BEND7: variants seen among roughly 807,000 people sequenced by gnomAD.
BEND7 encodes BEN domain containing 7.
Under a neutral mutation model 50.9 loss-of-function variants are expected in BEND7, and 28 were observed. The observed-to-expected ratio is 0.55, with a 90% CI of 0.41 to 0.75. BEND7 has a LOEUF of 0.75. Ranked by LOEUF, BEND7 falls within the 30% of genes least tolerant of loss-of-function variation. The pLI is 0.00. For synonymous variants in BEND7, 170 were observed against 183.9 expected (o/e 0.92, Z 0.61); for missense variants, 477 against 491.3 (o/e 0.97, Z 0.28).
At chr10:13,460,020 T>A (rs749281679) in intron 6 of BEND7, 2 of 152,182 alleles carry the variant, frequency 1.3e-5, no homozygotes, top group Non-Finnish European at 2.9e-5. Context: ...AAGCCGCAGA[T>A]GTGTCGAGTG....
chr10:13,475,109 C>T lies in BEND7; in HGVS notation c.1063+5790G>A, dbSNP rs140337991. On this transcript the variant is annotated intron_variant, in intron 6 of 8. Coordinates refer to ENST00000466271, the MANE Select transcript of BEND7 (RefSeq NM_001369863.1). ...TAGAGAGCTACACACAGAGAACAGCCGAGATTCAACATGACCTCTTTGTCA... is the reference window on the plus strand; with the variant it reads ...TAGAGAGCTACACACAGAGAACAGCTGAGATTCAACATGACCTCTTTGTCA... Among the ~76,000 whole-genome samples, 278 of 152,202 alleles carry T rather than the reference C, an allele frequency of 1.8e-3. 2 individuals are homozygous for T. The highest frequency in any genetic ancestry group is 6.3e-3 in the African/African-American group (260 of 41,504).
intron 6 of BEND7, among the ~76,000 whole-genome samples, chr10:13,454,582 T>TA (rs1416894721): frequency 6.6e-6 from 1 of 152,146 alleles, no homozygotes; most frequent in East Asian, 1.9e-4. Flanking sequence ...ATTACACCAT[T>TA]ACACTCCAGC....
chr10:13,480,002 A>G (rs2075742386), intron 6 of BEND7, among the ~76,000 whole-genome samples: 1 of 152,168 alleles, frequency 6.6e-6, no homozygotes, highest in East Asian at 1.9e-4. Context: ...TCACAACTCA[A>G]CAATGCAGGA....
chr10:13,508,962 G>A (rs1031008040), intron 2 of BEND7, among the ~76,000 whole-genome samples: 7 of 152,354 alleles, frequency 4.6e-5, no homozygotes, highest in East Asian at 1.9e-4. Context: ...AGCCAGGACA[G>A]GTACCAAGAA....
chr10:13,439,200 G>C (rs749440622), downstream of BEND7: 5 of 1,613,766 alleles, frequency 3.1e-6, no homozygotes, highest in Non-Finnish European at 8.5e-7. Context: ...GATGTGAAGG[G>C]TAAGAGACTT....
In BEND7 at chr10:13,492,598, A is replaced by G; in HGVS notation, c.837+13T>C. 6.2e-7 allele frequency: 1 copy of G among 1,612,936 alleles called. No homozygotes were observed. The highest frequency in any genetic ancestry group is 1.3e-5 in the African/African-American group (1 of 74,956). ...ATAGCATTAGAGTCAGCAGCCAGAA[A>G]ATGGCAACTTACATCTGAGGAAGGT... On this transcript the variant is annotated intron_variant, in intron 5 of 8. Coordinates refer to ENST00000466271, the MANE Select transcript of BEND7 (RefSeq NM_001369863.1).
At chr10:13,467,730 T>C (rs2074392434) in intron 6 of BEND7, among the ~76,000 whole-genome samples, 1 of 152,228 alleles carries the variant, frequency 6.6e-6, no homozygotes, top group Non-Finnish European at 1.5e-5. Context: ...GTAGTTATCT[T>C]GTTATTCATG....
In BEND7 at chr10:13,441,688, G is replaced by C. The variant is rs76490942; in HGVS notation, c.*55C>G. The C allele has an allele frequency of 9.9e-6, 16 of 1,611,828 alleles. No homozygotes were observed. The East Asian group carries it at 3.6e-4, about 36-fold the overall frequency. ...TAGCTCCTTGTGGGAGGCAGAGGACGGATTTTAAAACCCATGGTGCAAAAA... is the reference window on the plus strand; with the variant it reads ...TAGCTCCTTGTGGGAGGCAGAGGACCGATTTTAAAACCCATGGTGCAAAAA... On this transcript the variant is annotated 3_prime_UTR_variant, in exon 9 of 9. Transcript: ENST00000466271.
At chr10:13,486,236 C>G (rs7921291) in intron 5 of BEND7, among the ~76,000 whole-genome samples, 26,299 of 152,208 alleles carry the variant, frequency 0.17, 2,670 homozygotes, top group Non-Finnish European at 0.24. Context: ...CGCTTTGTTG[C>G]CCAGACTGGT....
intron 6 of BEND7, among the ~76,000 whole-genome samples, chr10:13,467,913 G>A (rs2074416128): frequency 6.6e-6 from 1 of 152,094 alleles, no homozygotes; most frequent in African/African-American, 2.4e-5. Flanking sequence ...GAGTGGTGCT[G>A]TTTCATGGGA....
At chr10:13,463,802 G>A (rs2073958387) in intron 6 of BEND7, among the ~76,000 whole-genome samples, 1 of 152,134 alleles carries the variant, frequency 6.6e-6, no homozygotes, top group East Asian at 1.9e-4. Flanking sequence ...GAAAATAAGG[G>A]GTGATACTTG....
At chr10:13,513,734 C>T (rs887648669) in intron 2 of BEND7, among the ~76,000 whole-genome samples, 5 of 152,302 alleles carry the variant, frequency 3.3e-5, no homozygotes, top group Admixed American at 2.6e-4. Context: ...AAATGCAAAT[C>T]GAATTACACT....
rs78975215 is a variant in BEND7, at chr10:13,521,439, T to C, written c.145+4699A>G. 5.1e-3 allele frequency among the ~76,000 whole-genome samples: 777 copies of C among 152,302 alleles called. 14 individuals are homozygous for C. The South Asian group carries it at 0.073, about 14-fold the overall frequency. On this transcript the variant is annotated intron_variant, in intron 2 of 8. Transcript: ENST00000466271. ...AGCAAGCTCTGGGTAAATAACACTA[T>C]TACTGGCCACGTACCTAACCCCAAG...
intron 6 of BEND7, among the ~76,000 whole-genome samples, chr10:13,472,690 T>C (rs533479315): frequency 1.1e-4 from 17 of 152,034 alleles, no homozygotes; most frequent in African/African-American, 3.9e-4. Flanking sequence ...TCGATACCCA[T>C]CATCGCTCTT....
In BEND7 at chr10:13,528,584, A is replaced by AGCGGCGGCG. The variant is rs1475871967; in HGVS notation, c.-52_-51insCGCCGCCGC. ...CTGAGGAGGCGGCGGCAGCGGCGGC[A>AGCGGCGGCG]GCGGCAGCGGCGGCAGCGGCAGCGG... On this transcript the variant is annotated 5_prime_UTR_variant, in exon 1 of 9. Coordinates refer to ENST00000466271, the MANE Select transcript of BEND7 (RefSeq NM_001369863.1). 1.2e-4 allele frequency: 3 copies of AGCGGCGGCG among 25,460 alleles called. No homozygotes were observed. Among genetic ancestry groups the AGCGGCGGCG allele is most frequent in the South Asian group, 4.5e-3 (1 of 224 alleles). The allele number at this position is 25,460 out of a possible 1,614,324, so 1.6% of individuals were successfully genotyped here.
chr10:13,440,464 C>T (rs1039902089), downstream of BEND7, among the ~76,000 whole-genome samples: 4 of 152,186 alleles, frequency 2.6e-5, no homozygotes, highest in Non-Finnish European at 4.4e-5. Context: ...GGCAGCAGCT[C>T]CTGCCCCTAC....
chr10:13,460,206 G>A (rs75238941), intron 6 of BEND7: 3,534 of 153,538 alleles, frequency 0.023, 138 homozygotes, highest in African/African-American at 0.081. Context: ...CGGCAGGGAG[G>A]AGAGGATGAA....
chr10:13,496,945 A>G (rs2077064666), intron 3 of BEND7, 57 bp from the exon 4 acceptor site: 2 of 1,363,130 alleles, frequency 1.5e-6, no homozygotes, highest in African/African-American at 1.5e-5. Context: ...AAAAAAAAAA[A>G]TCATAAAGAG....
intron 6 of BEND7, among the ~76,000 whole-genome samples, chr10:13,465,481 A>G (rs2074142670): frequency 6.6e-6 from 1 of 152,124 alleles, no homozygotes; most frequent in Non-Finnish European, 1.5e-5. Context: ...GGACCATCTC[A>G]TCTTCGTGCT....
Sources: gnomAD v4.1 joint callset for allele counts (sites outside exome capture counted in the v4.1 genomes callset) on GRCh38, gnomAD v4.1.1 for gene constraint, MANE v1.5 for transcripts, NCBI Gene and HGNC (gene_info 2026-07-23, HGNC 2026-07-21) for gene names.